The following LRFN5 variants were observed in gnomAD, a reference collection of about 807,000 sequenced individuals.
The protein encoded by LRFN5 is leucine rich repeat and fibronectin type III domain containing 5.
In LRFN5, 24 loss-of-function variants were observed where a neutral mutation model predicts 45.6. The observed-to-expected ratio is 0.53, with a 90% CI of 0.38 to 0.74. The LOEUF is 0.74. Ranked by LOEUF, LRFN5 falls within the 30% of genes least tolerant of loss-of-function variation. The probability of loss-of-function intolerance (pLI) is 0.00; values close to 1 mark genes in which losing one functional copy is unlikely to be tolerated. For missense variants in LRFN5, 776 were observed against 861.5 expected (o/e 0.90, Z 1.24); for synonymous variants, 340 against 313.8 (o/e 1.08, Z -0.88).
chr14:41,812,970 G>A (rs141716436), intron 2 of LRFN5, among the ~76,000 whole-genome samples: 49 of 152,206 alleles, frequency 3.2e-4, no homozygotes, highest in African/African-American at 1.2e-3. Context: ...TTCAACTGAG[G>A]AAAATAAGTA....
At chr14:41,873,288 TA>T (rs202165900) in intron 2 of LRFN5, among the ~76,000 whole-genome samples, 1,627 of 152,254 alleles carry the variant, frequency 0.011, 34 homozygotes, top group African/African-American at 0.038. Flanking sequence ...AGAGCTTTTT[TA>T]AATTTTTCTT....
At chr14:41,626,031 A>G (rs1343219295) in intron 1 of LRFN5, among the ~76,000 whole-genome samples, 5 of 152,134 alleles carry the variant, frequency 3.3e-5, no homozygotes, top group African/African-American at 1.2e-4. Context: ...CTGGAAGGAT[A>G]CATACATAGG....
intron 1 of LRFN5, among the ~76,000 whole-genome samples, chr14:41,718,452 GCTA>G (rs1883580739): frequency 6.6e-6 from 1 of 152,098 alleles, no homozygotes; most frequent in Admixed American, 6.6e-5. Context: ...TATCTCTTTA[GCTA>G]CTAACAGGCA....
intron 1 of LRFN5, among the ~76,000 whole-genome samples, chr14:41,689,701 T>G (rs1194773815): frequency 6.6e-6 from 1 of 151,360 alleles, no homozygotes; most frequent in Non-Finnish European, 1.5e-5. Flanking sequence ...GAGACCATCC[T>G]GGCTAACACG....
At chr14:41,871,476 C>G (rs750944277) in intron 2 of LRFN5, among the ~76,000 whole-genome samples, 1 of 151,904 alleles carries the variant, frequency 6.6e-6, no homozygotes, top group South Asian at 2.1e-4. Flanking sequence ...GTAATCCCAG[C>G]TATTTGGGAG....
rs757484774 is a variant in LRFN5, at chr14:41,891,935, A to C, written c.2071A>C (p.Thr691Pro). Reference protein sequence around the residue: ...RPPDSVTEGPTSKRAHIKPNA... With the variant: ...RPPDSVTEGPPSKRAHIKPNA... Reference sequence around the variant, plus strand: ...TCCCGATTCTGTCACAGAGGGGCCCACGTCTAAAAGAGCACATATAAAGCC... The same window carrying C: ...TCCCGATTCTGTCACAGAGGGGCCCCCGTCTAAAAGAGCACATATAAAGCC... Residue 691 changes from threonine (T) to proline (P), a missense_variant, in exon 4 of 6, where the codon ACG becomes CCG. By Grantham distance (38) the Thr-to-Pro change is conservative. This residue lies in a region of LRFN5 where 465 missense variants were observed against 456.4 expected (regional missense o/e 1.02). Coordinates refer to ENST00000298119, the MANE Select transcript of LRFN5 (RefSeq NM_152447.5). 6.2e-7 allele frequency: 1 copy of C among 1,613,940 alleles called. No homozygotes were observed. The highest frequency in any genetic ancestry group is 1.1e-5 in the South Asian group (1 of 91,066).
chr14:41,658,116 G>A (rs1249861471), intron 1 of LRFN5, among the ~76,000 whole-genome samples: 1 of 151,950 alleles, frequency 6.6e-6, no homozygotes, highest in Non-Finnish European at 1.5e-5. Context: ...GTCACATGCT[G>A]ATAGGGTAAG....
chr14:41,854,672 G>A (rs1490292559), intron 2 of LRFN5, among the ~76,000 whole-genome samples: 2 of 152,174 alleles, frequency 1.3e-5, no homozygotes, highest in Non-Finnish European at 2.9e-5. Flanking sequence ...AGTGTAATTG[G>A]AGGAAAGAAG....
At chr14:41,760,684 G>A (rs1594684396) in intron 1 of LRFN5, among the ~76,000 whole-genome samples, 2 of 152,106 alleles carry the variant, frequency 1.3e-5, no homozygotes, top group East Asian at 3.9e-4. Flanking sequence ...TGAAGGATGA[G>A]AGAGGGAGGG....
intron 2 of LRFN5, among the ~76,000 whole-genome samples, chr14:41,821,506 T>G (rs1346516390): frequency 6.6e-6 from 1 of 152,022 alleles, no homozygotes; most frequent in Admixed American, 6.6e-5. Flanking sequence ...AATAACTTTT[T>G]GATGTGCTGT....
chr14:41,808,231 G>GAAGGAAGGAAGC (rs1478065561), intron 2 of LRFN5, among the ~76,000 whole-genome samples: 1 of 115,114 alleles, frequency 8.7e-6, no homozygotes, highest in African/African-American at 3.2e-5. Flanking sequence ...AGGAAGGAAG[G>GAAGGAAGGAAGC]AAGGAATTGA....
At chr14:41,787,859 T>A (rs1217341128) in intron 2 of LRFN5, among the ~76,000 whole-genome samples, 1 of 152,208 alleles carries the variant, frequency 6.6e-6, no homozygotes, top group South Asian at 2.1e-4. Context: ...TAACCCCTAG[T>A]GTCATGATGT....
chr14:41,775,655 G>A (rs1156266086), intron 2 of LRFN5, among the ~76,000 whole-genome samples: 2 of 152,084 alleles, frequency 1.3e-5, no homozygotes, highest in Non-Finnish European at 2.9e-5. Flanking sequence ...ACCTACTGCA[G>A]TAATGATTTT....
At chr14:41,683,140 C>T (rs1881975244) in intron 1 of LRFN5, among the ~76,000 whole-genome samples, 1 of 152,154 alleles carries the variant, frequency 6.6e-6, no homozygotes, top group Admixed American at 6.5e-5. Context: ...AATGGGTCAT[C>T]CCTGGGATGC....
At chr14:41,709,168 G>A (rs1883186506) in intron 1 of LRFN5, among the ~76,000 whole-genome samples, 1 of 151,822 alleles carries the variant, frequency 6.6e-6, no homozygotes, top group Admixed American at 6.6e-5. Flanking sequence ...GAATATCTTG[G>A]TTTCCTAGCA....
At chr14:41,611,579 G>A (rs1457466521) in intron 1 of LRFN5, among the ~76,000 whole-genome samples, 2 of 152,188 alleles carry the variant, frequency 1.3e-5, no homozygotes, top group South Asian at 2.1e-4. Context: ...GCAGATAGGT[G>A]AAAAGAAGTT....
chr14:41,738,881 T>A (rs1195000766), intron 1 of LRFN5, among the ~76,000 whole-genome samples: 1 of 152,238 alleles, frequency 6.6e-6, no homozygotes, highest in Admixed American at 6.5e-5. Flanking sequence ...GGAAATTTTC[T>A]GAACTACTAT....
At chr14:41,698,164 T>C (rs1490108988) in intron 1 of LRFN5, among the ~76,000 whole-genome samples, 1 of 151,956 alleles carries the variant, frequency 6.6e-6, no homozygotes, top group Non-Finnish European at 1.5e-5. Flanking sequence ...TATAAAAATA[T>C]AGGGAAGGAA....
chr14:41,856,676 T>TTATTA (rs556475186), intron 2 of LRFN5, among the ~76,000 whole-genome samples: 231 of 6,990 alleles, frequency 0.033, 3 homozygotes, highest in African/African-American at 0.05. Flanking sequence ...ATTATTATTA[T>TTATTA]TTTTTTTTTT....
Sources: gnomAD v4.1 joint callset for allele counts (sites outside exome capture counted in the v4.1 genomes callset) on GRCh38, gnomAD v4.1.1 for gene constraint, gnomAD v4.1.1 regional missense constraint, MANE v1.5 for transcripts, NCBI Gene and HGNC (gene_info 2026-07-23, HGNC 2026-07-21) for gene names.